The following GRID2 variants were observed in gnomAD, a reference collection of about 807,000 sequenced individuals.
The protein encoded by GRID2 is glutamate ionotropic receptor delta type subunit 2, also known as glutamate receptor ionotropic, delta-2.
Under a neutral mutation model 114.8 loss-of-function variants are expected in GRID2, and 33 were observed. That is an observed-to-expected ratio of 0.29 (90% confidence interval 0.22 to 0.38). The LOEUF is 0.38. Ranked by LOEUF, GRID2 falls within the 10% of genes least tolerant of loss-of-function variation. The pLI, the probability that GRID2 is intolerant of heterozygous loss-of-function variation, is 1.00. For synonymous variants in GRID2, 505 were observed against 449.9 expected (o/e 1.12, Z -1.55); for missense variants, 1,184 against 1,257.7 (o/e 0.94, Z 0.89).
At chr4:93,423,107 G>C in intron 10 of GRID2, 139 bp downstream of exon 10, 1 of 617,902 alleles carries the variant, frequency 1.6e-6, no homozygotes, top group Non-Finnish European at 2.8e-6. Flanking sequence ...AGCATTAGGT[G>C]GTGGAATTGA....
chr4:93,076,644 GTCTC>G (rs1729337123), intron 2 of GRID2, among the ~76,000 whole-genome samples: 1 of 123,322 alleles, frequency 8.1e-6, no homozygotes, highest in Non-Finnish European at 1.6e-5. Flanking sequence ...TAATGACAGA[GTCTC>G]TCTCTGTCAC....
At position 93,238,390 on chromosome 4, in the gene GRID2, C is replaced by G; in HGVS notation, c.1145C>G (p.Thr382Ser). Residue 382 changes from threonine to serine, a missense_variant, in exon 8 of 16, where the codon ACT (threonine) becomes AGT (serine). Thr to Ser is a moderately conservative substitution (Grantham distance 58). Transcript: ENST00000282020. ...TIKKGGVSGL[T>S]GELEFGENGG... Reference sequence around the variant, plus strand: ...CTTTAGGGTGGAGTTAGTGGGTTGACTGGAGAGCTAGAATTTGGAGAAAAT... The same window carrying G: ...CTTTAGGGTGGAGTTAGTGGGTTGAGTGGAGAGCTAGAATTTGGAGAAAAT... 1 of 1,605,534 alleles carries G rather than the reference C, an allele frequency of 6.2e-7. No individual in the cohort carries two copies. The highest frequency in any genetic ancestry group is 8.5e-7 in the Non-Finnish European group (1 of 1,173,092).
intron 2 of GRID2, among the ~76,000 whole-genome samples, chr4:92,654,303 A>G (rs1277735337): frequency 3.3e-5 from 5 of 152,006 alleles, no homozygotes; most frequent in African/African-American, 1.2e-4. Flanking sequence ...ATCTCATCAC[A>G]GGACTTCATT....
intron 1 of GRID2, among the ~76,000 whole-genome samples, chr4:92,418,992 C>T (rs1228390652): frequency 1.3e-5 from 2 of 152,062 alleles, no homozygotes; most frequent in Non-Finnish European, 2.9e-5. Flanking sequence ...TCCTTTCTCT[C>T]GTCTCTTTCT....
At chr4:93,148,871 A>G (rs1263342549) in intron 4 of GRID2, among the ~76,000 whole-genome samples, 1 of 151,650 alleles carries the variant, frequency 6.6e-6, no homozygotes, top group East Asian at 1.9e-4. Flanking sequence ...TAGAAACATT[A>G]TATATATTTA....
chr4:93,407,801 C>T, intron 9 of GRID2, among the ~76,000 whole-genome samples: 1 of 122,514 alleles, frequency 8.2e-6, no homozygotes, highest in African/African-American at 3.8e-5. Flanking sequence ...TCCTCCTCGT[C>T]CTCCTCCTCT....
At position 92,304,743 on chromosome 4, in the gene GRID2, C is replaced by T. The variant is rs77619135; in HGVS notation, c.87C>T (p.Ile29=). The T allele has an allele frequency of 3.5e-4, 560 of 1,604,544 alleles. No individual in the cohort carries two copies. In the African/African-American group the frequency reaches 6.5e-3, roughly 19 times the overall value. ...CGAATGCGGATTCGATCATTCACAT[C>T]GGTAAGAAAGTGTTGGTGCAGCTCG... The part of the protein sequence containing the change: ...DSANADSIIH[I]GAIFDESAKK... The change falls in exon 1 of 16, where the codon ATC becomes ATT. Residue 29 remains isoleucine, a splice_region_variant and synonymous_variant. Transcript: ENST00000282020.
chr4:92,640,949 C>T (rs1731312009), intron 2 of GRID2, among the ~76,000 whole-genome samples: 1 of 151,328 alleles, frequency 6.6e-6, no homozygotes, highest in African/African-American at 2.4e-5. Context: ...ATTAAGTTAT[C>T]TGTTTTAATA....
At chr4:93,478,918 T>C (rs1019870220) in intron 11 of GRID2, among the ~76,000 whole-genome samples, 1 of 152,080 alleles carries the variant, frequency 6.6e-6, no homozygotes, top group East Asian at 1.9e-4. Context: ...AATAGACCTA[T>C]AGCCAGTCCA....
intron 1 of GRID2, among the ~76,000 whole-genome samples, chr4:92,479,106 A>G (rs1394881127): frequency 6.6e-6 from 1 of 152,158 alleles, no homozygotes; most frequent in Non-Finnish European, 1.5e-5. Context: ...ATTTGTGGTT[A>G]TTGATAAAGA....
chr4:93,545,287 G>T (rs991514962), intron 13 of GRID2, among the ~76,000 whole-genome samples: 1 of 152,202 alleles, frequency 6.6e-6, no homozygotes, highest in African/African-American at 2.4e-5. Flanking sequence ...AACTAATTTA[G>T]ATTAGATGAC....
intron 8 of GRID2, among the ~76,000 whole-genome samples, chr4:93,309,559 TAATA>T (rs1407352622): frequency 1.3e-5 from 2 of 150,450 alleles, no homozygotes; most frequent in East Asian, 1.9e-4. Context: ...ATAATAATAA[TAATA>T]AATAAAAAAG....
At chr4:92,496,640 GT>G (rs201284260) in intron 1 of GRID2, among the ~76,000 whole-genome samples, 135 of 150,682 alleles carry the variant, frequency 9.0e-4, no homozygotes, top group African/African-American at 2.9e-3. Context: ...AATTATTGGA[GT>G]TTTTTTTTAG....
chr4:92,965,450 T>TGAAAAAA (rs1393372287), intron 2 of GRID2, among the ~76,000 whole-genome samples: 1 of 85,760 alleles, frequency 1.2e-5, no homozygotes, highest in East Asian at 3.7e-4. Flanking sequence ...ATTCAATTTG[T>TGAAAAAA]AAAAAAAAAA....
intron 8 of GRID2, among the ~76,000 whole-genome samples, chr4:93,329,176 T>C (rs544950886): frequency 6.6e-6 from 1 of 152,184 alleles, no homozygotes; most frequent in East Asian, 1.9e-4. Flanking sequence ...GAAGAACTAG[T>C]CAGGAATCTG....
At chr4:92,422,188 G>A (rs1731940618) in intron 1 of GRID2, among the ~76,000 whole-genome samples, 1 of 152,018 alleles carries the variant, frequency 6.6e-6, no homozygotes, top group Non-Finnish European at 1.5e-5. Context: ...ACTGGCAGAG[G>A]GTAGGCAGCA....
chr4:92,989,459 G>A (rs996855423), intron 2 of GRID2, among the ~76,000 whole-genome samples: 10 of 151,192 alleles, frequency 6.6e-5, no homozygotes, highest in African/African-American at 1.7e-4. Flanking sequence ...TTATGAAGGA[G>A]GTGGTGACTC....
At chr4:93,224,231 T>C (rs1209472616) in intron 6 of GRID2, among the ~76,000 whole-genome samples, 1 of 152,184 alleles carries the variant, frequency 6.6e-6, no homozygotes. Flanking sequence ...AAACTTAACA[T>C]ATTCAGAAAA....
chr4:92,669,647 T>A (rs773510487), intron 2 of GRID2, among the ~76,000 whole-genome samples: 6 of 151,966 alleles, frequency 3.9e-5, no homozygotes, highest in Non-Finnish European at 8.8e-5. Context: ...ACCTATTCCA[T>A]GTGGGGCCAA....
Sources: gnomAD v4.1 joint callset for allele counts (sites outside exome capture counted in the v4.1 genomes callset) on GRCh38, gnomAD v4.1.1 for gene constraint, MANE v1.5 for transcripts, NCBI Gene and HGNC (gene_info 2026-07-23, HGNC 2026-07-21) for gene names.